The following DGKZ variants were observed in gnomAD, a reference collection of about 807,000 sequenced individuals.
DGKZ encodes DAG kinase zeta.
In DGKZ, 45 loss-of-function variants were observed where a neutral mutation model predicts 142.5. The ratio of observed to expected loss-of-function variants is 0.32; its 90% CI spans 0.25 to 0.40. The LOEUF (loss-of-function observed/expected upper bound fraction) is 0.40. DGKZ is among the 10% of genes least tolerant of loss of function. DGKZ has a pLI of 1.00. For missense variants in DGKZ, 755 were observed against 1,306.5 expected, an observed-to-expected ratio of 0.58 and a Z score of 6.51; for synonymous variants, 442 against 527.0, an observed-to-expected ratio of 0.84 and a Z score of 2.21.
intron 4 of DGKZ, chr11:46,369,188 C>CAA (rs34455497): frequency 6.5e-5 from 27 of 415,140 alleles, no homozygotes; most frequent in African/African-American, 1.0e-4. Flanking sequence ...AAAACAAAAA[C>CAA]AAAAAAAAAA....
chr11:46,335,358 T>C (rs1410234358), intron 1 of DGKZ, among the ~76,000 whole-genome samples: 1 of 149,880 alleles, frequency 6.7e-6, no homozygotes, highest in African/African-American at 2.5e-5. Context: ...AGTGGAGACT[T>C]AGAGGGCAGA....
chr11:46,367,989 TC>T lies in DGKZ; in HGVS notation c.367-11del. ...ACCTGGTGCCTCAGGGGCCCTCTCT[TC>T]CTGTCCTGCAGCAGAAGTCAGTGTC... On this transcript the variant is annotated splice_polypyrimidine_tract_variant and intron_variant, in intron 3 of 30. Transcript: ENST00000527911. The surrounding 1 kb of genome is among the most constrained non-coding windows in gnomAD (Gnocchi z 4.1). 1.2e-6 allele frequency: 2 copies of T among 1,613,408 alleles called. No individual in the cohort carries two copies. Among genetic ancestry groups the T allele is most frequent in the Non-Finnish European group, 1.7e-6 (2 of 1,179,882 alleles).
intron 1 of DGKZ, among the ~76,000 whole-genome samples, chr11:46,362,822 G>A (rs1257024644): frequency 6.6e-6 from 1 of 152,132 alleles, no homozygotes; most frequent in Non-Finnish European, 1.5e-5. Flanking sequence ...ACTGCAGCTC[G>A]GCCACCTGCA....
chr11:46,364,678 A>G (rs1943058252), intron 1 of DGKZ: 2 of 985,434 alleles, frequency 2.0e-6, no homozygotes, highest in Non-Finnish European at 1.2e-6. Flanking sequence ...GGCAGTAGCA[A>G]ATCAGTGCAG....
intron 25 of DGKZ, chr11:46,377,429 G>T (rs1483714694): frequency 1.2e-5 from 10 of 859,190 alleles, no homozygotes; most frequent in Middle Eastern, 2.5e-4. Flanking sequence ...CCCTCCTCTG[G>T]ACCTCATCCT....
In DGKZ at chr11:46,347,500, G is replaced by C; in HGVS notation, c.-160G>C. The stretch of plus-strand genomic sequence containing the variant: ...AGCGGCGGCGGCAGCGGCTTCCCGG[G>C]CACCTGGGCGTGGGGAGCGGGGGCG... On this transcript the variant is annotated 5_prime_UTR_variant, in exon 1 of 31. Coordinates refer to ENST00000527911, the Ensembl canonical transcript of DGKZ. The surrounding 1 kb of genome is among the most constrained non-coding windows in gnomAD (Gnocchi z 6.4). 1 of 982,124 alleles carries C rather than the reference G, an allele frequency of 1.0e-6. No individual in the cohort carries two copies. Among genetic ancestry groups the C allele is most frequent in the Non-Finnish European group, 1.2e-6 (1 of 828,940 alleles). 60.8% of individuals were successfully genotyped at this position (982,124 alleles called of 1,614,324 possible).
intron 1 of DGKZ, among the ~76,000 whole-genome samples, chr11:46,351,020 T>A (rs1301796153): frequency 6.6e-6 from 1 of 151,940 alleles, no homozygotes; most frequent in Non-Finnish European, 1.5e-5. Flanking sequence ...CCAGGGTATT[T>A]AGTTTTCCTC....
At position 46,367,439 on chromosome 11, in the gene DGKZ, C is replaced by T. The variant is rs185575530; in HGVS notation, c.270+40C>T. On this transcript the variant is annotated intron_variant, in intron 2 of 30. Transcript: ENST00000527911. This position sits in a 1 kb window ranked among gnomAD's most constrained non-coding sequence, Gnocchi z 4.1. Reference sequence around the variant, plus strand: ...ACCCCTGGGTCCCAGACCCTCTGGGCTCTTGGCCAAGGCGCAGCTGGCGGG... The same window carrying T: ...ACCCCTGGGTCCCAGACCCTCTGGGTTCTTGGCCAAGGCGCAGCTGGCGGG... 2 of 1,595,680 alleles carry T rather than the reference C, an allele frequency of 1.3e-6. No individual in the cohort carries two copies. The highest frequency in any genetic ancestry group is 1.7e-6 in the Non-Finnish European group (2 of 1,166,440).
At chr11:46,376,652 G>T (rs1307375670) in intron 24 of DGKZ, 88 bp downstream of exon 24, 1 of 1,537,610 alleles carries the variant, frequency 6.5e-7, no homozygotes, top group Non-Finnish European at 8.9e-7. Flanking sequence ...TAGCTCCCCC[G>T]ATGGGCTCAC....
intron 1 of DGKZ, among the ~76,000 whole-genome samples, chr11:46,360,882 G>C (rs985217183): frequency 3.3e-5 from 5 of 152,278 alleles, no homozygotes; most frequent in Non-Finnish European, 1.5e-5. Flanking sequence ...CTGGGAGTTG[G>C]GGGGGTGGCA....
At chr11:46,376,843 G>A in intron 24 of DGKZ, 1 of 634,446 alleles carries the variant, frequency 1.6e-6, no homozygotes, top group Non-Finnish European at 2.7e-6. Context: ...GGGAGACACA[G>A]AAGCAAAGGC....
In DGKZ at chr11:46,374,008, C is replaced by T. The variant is rs180674867; in HGVS notation, c.1327-149C>T. 38 of 774,072 alleles carry T rather than the reference C, an allele frequency of 4.9e-5. No individual in the cohort carries two copies. In the Admixed American group the frequency reaches 7.4e-4, roughly 15 times the overall value. 48.0% of individuals were successfully genotyped at this position (774,072 alleles called of 1,614,324 possible). Reference sequence around the variant, plus strand: ...GGCAGAGCAGGGCTGTGCCTGACAGCGGGTGAGCTGGGCTGAGCCCTAGCG... The same window carrying T: ...GGCAGAGCAGGGCTGTGCCTGACAGTGGGTGAGCTGGGCTGAGCCCTAGCG... On this transcript the variant is annotated intron_variant, in intron 14 of 30. Coordinates refer to ENST00000527911, the Ensembl canonical transcript of DGKZ.
chr11:46,351,999 C>G (rs937208061), intron 1 of DGKZ, among the ~76,000 whole-genome samples: 6 of 152,218 alleles, frequency 3.9e-5, no homozygotes, highest in Non-Finnish European at 8.8e-5. Flanking sequence ...CAGGCAAGGA[C>G]AGAGGAAGGA....
chr11:46,368,957 G>A lies in DGKZ; in HGVS notation c.445-537G>A, dbSNP rs148763008. 1.6e-3 allele frequency: 276 copies of A among 178,020 alleles called. 1 individual carries two copies. Among genetic ancestry groups the A allele is most frequent in the African/African-American group, 6.2e-3 (258 of 41,924 alleles). The allele number at this position is 178,020 out of a possible 1,614,324, so 11.0% of individuals were successfully genotyped here. ...GCGGTGGCTCATGCCTGTAATCCCA[G>A]CACTTTGGGAGGCCGAGGTAGGTGG... is the stretch of plus-strand genomic sequence containing the variant. On this transcript the variant is annotated intron_variant, in intron 4 of 30. Coordinates refer to ENST00000527911, the Ensembl canonical transcript of DGKZ.
intron 9 of DGKZ, 130 bp downstream of exon 9, chr11:46,371,905 G>A: frequency 7.8e-7 from 1 of 1,284,482 alleles, no homozygotes. Flanking sequence ...GGGCCTCTGA[G>A]GAAGGCAGGA....
upstream of DGKZ, chr11:46,347,459 T>C: frequency 1.0e-6 from 1 of 981,906 alleles, no homozygotes; most frequent in East Asian, 1.1e-4. The surrounding 1 kb of genome is among the most constrained non-coding windows in gnomAD (Gnocchi z 6.4). Flanking sequence ...CGGCCGCGGC[T>C]GGCGGCACTT....
intron 1 of DGKZ, among the ~76,000 whole-genome samples, chr11:46,354,401 G>A (rs1010848170): frequency 1.3e-5 from 2 of 151,968 alleles, no homozygotes; most frequent in East Asian, 3.8e-4. Flanking sequence ...CTGCTATGTT[G>A]CCCAGGTTGG....
chr11:46,347,269 C>A, upstream of DGKZ: 1 of 974,704 alleles, frequency 1.0e-6, no homozygotes, highest in Non-Finnish European at 1.2e-6. This position sits in a 1 kb window ranked among gnomAD's most constrained non-coding sequence, Gnocchi z 6.4. Context: ...CCGGGCCGGG[C>A]TGGGGGCAGG....
chr11:46,342,262 C>T (rs1351234474), intron 1 of DGKZ, among the ~76,000 whole-genome samples: 2 of 152,188 alleles, frequency 1.3e-5, no homozygotes, highest in Non-Finnish European at 2.9e-5. Context: ...CCCTTCCAGC[C>T]GTGTCCTCCC....
Sources: allele counts gnomAD v4.1 joint callset (sites outside exome capture counted in the v4.1 genomes callset), GRCh38; gene constraint gnomAD v4.1.1; non-coding constraint Gnocchi (gnomAD v3.1); transcripts MANE v1.5; gene names NCBI Gene and HGNC (gene_info 2026-07-23, HGNC 2026-07-21).